ASIC2: variants seen among roughly 807,000 people sequenced by gnomAD.
The protein encoded by ASIC2 is acid sensing ion channel subunit 2.
A neutral mutation model predicts 57.3 loss-of-function variants in ASIC2; 25 were observed. The observed-to-expected ratio is 0.44, with a 90% CI of 0.32 to 0.61. The LOEUF (loss-of-function observed/expected upper bound fraction) is 0.61, where lower values mean the gene tolerates loss of function less well. ASIC2 is among the 20% of genes least tolerant of loss of function. The pLI, the probability that ASIC2 is intolerant of heterozygous loss-of-function variation, is 0.06. For synonymous variants in ASIC2, 319 were observed against 307.5 expected, an observed-to-expected ratio of 1.04 and a Z score of -0.39; for missense variants, 641 against 738.1, an observed-to-expected ratio of 0.87 and a Z score of 1.52.
At chr17:34,030,322 T>C (rs1359804382) in intron 1 of ASIC2, among the ~76,000 whole-genome samples, 4 of 152,176 alleles carry the variant, frequency 2.6e-5, no homozygotes, top group Non-Finnish European at 5.9e-5. Context: ...ATCCATCCAT[T>C]CGAAATTTTT....
intron 1 of ASIC2, among the ~76,000 whole-genome samples, chr17:33,160,805 T>C (rs1420431047): frequency 6.6e-6 from 1 of 152,152 alleles, no homozygotes; most frequent in Admixed American, 6.5e-5. Flanking sequence ...GTGCTGTTCA[T>C]GGCGGGGGGA....
At chr17:33,684,901 A>G (rs539598778) in intron 1 of ASIC2, among the ~76,000 whole-genome samples, 30 of 152,168 alleles carry the variant, frequency 2.0e-4, no homozygotes, top group Non-Finnish European at 3.8e-4. Flanking sequence ...AAAATACATA[A>G]CAGCAGGATC....
chr17:33,574,333 G>T (rs931517544), intron 1 of ASIC2, among the ~76,000 whole-genome samples: 20 of 152,152 alleles, frequency 1.3e-4, no homozygotes, highest in African/African-American at 4.8e-4. Flanking sequence ...GACCATTTCT[G>T]CTTCCACTTC....
chr17:34,093,272 C>T (rs926437952), intron 1 of ASIC2, among the ~76,000 whole-genome samples: 15 of 152,204 alleles, frequency 9.9e-5, no homozygotes, highest in African/African-American at 3.6e-4. Context: ...TGCACCCAAG[C>T]CACTCTGTTT....
intron 3 of ASIC2, among the ~76,000 whole-genome samples, chr17:33,056,825 C>A (rs897376599): frequency 6.6e-6 from 1 of 152,174 alleles, no homozygotes; most frequent in Non-Finnish European, 1.5e-5. Flanking sequence ...CTCCAGCCAC[C>A]CAGGGTTTCC....
At chr17:33,317,410 C>T (rs1906700369) in intron 1 of ASIC2, among the ~76,000 whole-genome samples, 7 of 152,338 alleles carry the variant, frequency 4.6e-5, no homozygotes, top group Admixed American at 3.9e-4. Context: ...ATTGCTTATA[C>T]TTGCATTGTC....
chr17:33,554,095 A>G (rs926497007), intron 1 of ASIC2, among the ~76,000 whole-genome samples: 4 of 152,232 alleles, frequency 2.6e-5, no homozygotes, highest in Non-Finnish European at 4.4e-5. Flanking sequence ...GCAGCCATGA[A>G]GACCCAATTC....
chr17:33,812,018 C>T (rs766418194), intron 1 of ASIC2, among the ~76,000 whole-genome samples: 5 of 152,174 alleles, frequency 3.3e-5, no homozygotes, highest in Non-Finnish European at 5.9e-5. Flanking sequence ...CTTTTTCTCT[C>T]CCTGTTCCTG....
At chr17:33,279,616 G>A (rs1904855351) in intron 1 of ASIC2, among the ~76,000 whole-genome samples, 1 of 152,136 alleles carries the variant, frequency 6.6e-6, no homozygotes, top group South Asian at 2.1e-4. Flanking sequence ...AGTCTGGCCT[G>A]GTGGCTCACA....
chr17:33,318,088 C>T (rs935510068), intron 1 of ASIC2, among the ~76,000 whole-genome samples: 1 of 152,062 alleles, frequency 6.6e-6, no homozygotes, highest in Non-Finnish European at 1.5e-5. Flanking sequence ...GATTAAACAT[C>T]GTTAAGGCAG....
At chr17:34,086,858 C>T (rs1437694270) in intron 1 of ASIC2, among the ~76,000 whole-genome samples, 3 of 152,190 alleles carry the variant, frequency 2.0e-5, no homozygotes, top group African/African-American at 7.2e-5. Context: ...ACTAGGACTG[C>T]AACACCTGCC....
In ASIC2 at chr17:33,380,294, AAAAAG is replaced by A. The variant is rs1386088902; in HGVS notation, c.556-268232_556-268228del. 6.6e-4 allele frequency among the ~76,000 whole-genome samples: 100 copies of A among 151,194 alleles called. 2 individuals carry two copies. Among genetic ancestry groups the A allele is most frequent in the African/African-American group, 2.1e-3 (86 of 41,128 alleles). On this transcript the variant is annotated intron_variant, in intron 1 of 9. Coordinates refer to the ASIC2 transcript ENST00000359872. ...GAAAGAAAGAAAGAAAGAAAAAAAG[AAAAAG>A]AAAAGAAAAGAAATGGTTACATTGA...
At chr17:34,113,085 A>T (rs1435964518) in intron 1 of ASIC2, among the ~76,000 whole-genome samples, 3 of 152,124 alleles carry the variant, frequency 2.0e-5, no homozygotes, top group Non-Finnish European at 4.4e-5. Flanking sequence ...TCACTGTGGA[A>T]TCTTCATCTG....
intron 1 of ASIC2, among the ~76,000 whole-genome samples, chr17:34,055,528 CCTT>C (rs1488494949): frequency 2.6e-5 from 4 of 152,176 alleles, no homozygotes; most frequent in East Asian, 3.9e-4. Context: ...CCAGAAAGTT[CCTT>C]CTTGTTTCCT....
intron 1 of ASIC2, among the ~76,000 whole-genome samples, chr17:33,363,782 G>A (rs747405033): frequency 6.6e-6 from 1 of 152,146 alleles, no homozygotes; most frequent in South Asian, 2.1e-4. Context: ...CTCCACACAC[G>A]TCAGAAGGTT....
At chr17:33,686,235 A>G (rs569745435) in intron 1 of ASIC2, among the ~76,000 whole-genome samples, 1 of 152,238 alleles carries the variant, frequency 6.6e-6, no homozygotes, top group African/African-American at 2.4e-5. Flanking sequence ...GGTAGCAGAA[A>G]GATGGCCAAA....
At chr17:33,222,533 G>T (rs1907723425) in intron 1 of ASIC2, among the ~76,000 whole-genome samples, 1 of 152,156 alleles carries the variant, frequency 6.6e-6, no homozygotes, top group Admixed American at 6.5e-5. Flanking sequence ...ACATTGAATT[G>T]CACACTTTAA....
At chr17:33,899,085 G>A (rs1301662235) in intron 1 of ASIC2, among the ~76,000 whole-genome samples, 4 of 148,988 alleles carry the variant, frequency 2.7e-5, no homozygotes, top group East Asian at 4.0e-4. Flanking sequence ...CTGAGATCGC[G>A]CCACTGCACT....
intron 3 of ASIC2, among the ~76,000 whole-genome samples, chr17:33,077,966 TC>T (rs1490054712): frequency 6.6e-6 from 1 of 152,236 alleles, no homozygotes; most frequent in Non-Finnish European, 1.5e-5. Context: ...GGAAGTGTCC[TC>T]TATAGGCCCT....
Sources: allele counts gnomAD v4.1 joint callset (sites outside exome capture counted in the v4.1 genomes callset), GRCh38; gene constraint gnomAD v4.1.1; transcripts MANE v1.5; gene names NCBI Gene and HGNC (gene_info 2026-07-23, HGNC 2026-07-21).